CASP5: variants seen among roughly 807,000 people sequenced by gnomAD.
The protein encoded by CASP5 is caspase 5, also known as caspase-5.
In CASP5, 42 loss-of-function variants were observed where a neutral mutation model predicts 45.2. The ratio of observed to expected loss-of-function variants is 0.93; its 90% CI spans 0.73 to 1.20. CASP5 has a LOEUF of 1.20. Ranked by LOEUF, CASP5 falls within the 50% of genes most tolerant of loss-of-function variation. The probability of loss-of-function intolerance (pLI) is 0.00; values close to 1 mark genes in which losing one functional copy is unlikely to be tolerated. For missense variants in CASP5, 512 were observed against 532.2 expected (o/e 0.96, Z 0.37); for synonymous variants, 209 against 186.2 (o/e 1.12, Z -1.00).
intron 5 of CASP5, 130 bp from the exon 6 acceptor site, chr11:105,000,625 A>T (rs1393655139): frequency 1.3e-6 from 1 of 765,178 alleles, no homozygotes; most frequent in African/African-American, 1.8e-5. Flanking sequence ...GCGCTTACTC[A>T]GTCATGACAG....
intron 5 of CASP5, among the ~76,000 whole-genome samples, chr11:105,001,573 A>C (rs1277437199): frequency 2.6e-5 from 4 of 152,110 alleles, no homozygotes; most frequent in African/African-American, 9.7e-5. Flanking sequence ...GGGCAGGAGA[A>C]TCGCTTGTGG....
Position 105,008,843 on chromosome 11 carries a change from C to T in CASP5, c.145G>A (p.Val49Ile). 1 of 1,613,038 alleles carries T rather than the reference C, an allele frequency of 6.2e-7. No individual in the cohort carries two copies. Among genetic ancestry groups the T allele is most frequent in the Non-Finnish European group, 8.5e-7 (1 of 1,179,322 alleles). ...GTCGACTTTTGATCCGTATTAGGTA[C>T]TAGGGTCTGGATAGATGTTTGTCCA... ...VAGQTSIQTL[V>I]PNTDQKSTSV... The change falls in exon 2 of 10, where the codon GTA (valine) becomes ATA (isoleucine). Residue 49 changes from valine to isoleucine, a missense_variant. Transcript: ENST00000260315.
intron 1 of CASP5, among the ~76,000 whole-genome samples, chr11:105,009,774 TATATATATATATACACACG>T (rs1862209435): frequency 2.0e-5 from 1 of 50,372 alleles, no homozygotes; most frequent in Non-Finnish European, 4.8e-5. Context: ...CACACACGTA[TATATATATATATACACACG>T]TATATATATA....
intron 8 of CASP5, among the ~76,000 whole-genome samples, chr11:104,996,149 A>G (rs1310805840): frequency 6.6e-6 from 1 of 152,176 alleles, no homozygotes. Flanking sequence ...GGATATGCTC[A>G]TGAGAACTGG....
chr11:105,004,609 A>G (rs1320795444), intron 3 of CASP5, among the ~76,000 whole-genome samples: 2 of 152,134 alleles, frequency 1.3e-5, no homozygotes, highest in Non-Finnish European at 2.9e-5. Context: ...TCTGTATAAA[A>G]TTTATATTGT....
Position 105,004,349 on chromosome 11 carries a change from A to T in CASP5, c.434-966T>A, listed in dbSNP as rs561690920. On this transcript the variant is annotated intron_variant, in intron 3 of 9. Transcript: ENST00000260315. ...TCTGTTTTGGATAAGTTTGCTTCTG[A>T]GTAATTCTGATCTATCCCCTTGTGA... Among the ~76,000 whole-genome samples the T allele has an allele frequency of 6.6e-5, 10 of 152,324 alleles. No individual in the cohort carries two copies. The East Asian group carries it at 1.5e-3, about 23-fold the overall frequency.
intron 5 of CASP5, among the ~76,000 whole-genome samples, chr11:105,001,722 G>A (rs1861736993): frequency 1.3e-5 from 2 of 152,188 alleles, no homozygotes; most frequent in Admixed American, 6.5e-5. Flanking sequence ...GTGATTTTAT[G>A]TGGAATCTTG....
chr11:105,009,926 C>CGTATATACACATAT (rs1565388595), intron 1 of CASP5, among the ~76,000 whole-genome samples: 4 of 125,426 alleles, frequency 3.2e-5, no homozygotes, highest in African/African-American at 9.2e-5. Context: ...TATATACACA[C>CGTATATACACATAT]ATACACACAC....
At position 105,021,397 on chromosome 11, in the gene CASP5, C is replaced by T. The variant is rs1161199452; in HGVS notation, c.7+1733G>A. On this transcript the variant is annotated intron_variant, in intron 1 of 9. Transcript: ENST00000260315. ...AACCTACAAAATGGGAGAAAATTTT[C>T]GCAACCTACTCGTCTGACAAAGGGC... 2.6e-3 allele frequency among the ~76,000 whole-genome samples: 381 copies of T among 147,174 alleles called. 3 individuals carry two copies. Among genetic ancestry groups the T allele is most frequent in the African/African-American group, 7.8e-3 (316 of 40,770 alleles).
At chr11:105,006,035 C>T (rs546900862) in intron 3 of CASP5, among the ~76,000 whole-genome samples, 29 of 152,028 alleles carry the variant, frequency 1.9e-4, no homozygotes, top group South Asian at 6.2e-4. Flanking sequence ...TGTTCATGAT[C>T]GTATGTGATT....
intron 8 of CASP5, among the ~76,000 whole-genome samples, chr11:104,996,419 C>T (rs77045690): frequency 8.5e-5 from 13 of 152,266 alleles, no homozygotes; most frequent in African/African-American, 2.4e-4. Context: ...GATTTAACTT[C>T]CCAGTTCTCT....
intron 7 of CASP5, 72 bp from the exon 8 acceptor site, chr11:104,997,564 C>A: frequency 1.1e-6 from 1 of 880,794 alleles, no homozygotes; most frequent in Non-Finnish European, 1.8e-6. Flanking sequence ...TTTGTTTTTG[C>A]ATAGCTTGAG....
At chr11:105,016,613 TG>T (rs1862614972) in intron 1 of CASP5, among the ~76,000 whole-genome samples, 1 of 151,964 alleles carries the variant, frequency 6.6e-6, no homozygotes, top group Admixed American at 6.5e-5. Context: ...GCTTAAAAAA[TG>T]GCGCATCAGA....
In CASP5 at chr11:105,007,281, C is replaced by A; in HGVS notation, c.235G>T (p.Val79Phe). 6.2e-7 allele frequency: 1 copy of A among 1,610,058 alleles called. No individual in the cohort carries two copies. Residue 79 changes from valine to phenylalanine, a missense_variant, in exon 3 of 10, where the codon GTT (valine) becomes TTT (phenylalanine). Coordinates refer to ENST00000260315, the MANE Select transcript of CASP5 (RefSeq NM_004347.5). Reference sequence around the variant, plus strand: ...AAATAATTAAAAACACCATGAAGAACATCTTTGCCCAGGTATTCCAACATC... The same window carrying A: ...AAATAATTAAAAACACCATGAAGAAAATCTTTGCCCAGGTATTCCAACATC... ...VKMLEYLGKDVLHGVFNYLAK... is the reference protein window; with the variant it reads ...VKMLEYLGKDFLHGVFNYLAK...
chr11:105,013,995 C>T (rs967827798), intron 1 of CASP5, among the ~76,000 whole-genome samples: 1 of 152,150 alleles, frequency 6.6e-6, no homozygotes, highest in African/African-American at 2.4e-5. Flanking sequence ...TACTTCTATT[C>T]AGGCCAACAC....
chr11:105,021,212 G>GA (rs1245727225), intron 1 of CASP5, among the ~76,000 whole-genome samples: 2 of 151,394 alleles, frequency 1.3e-5, no homozygotes, highest in Non-Finnish European at 2.9e-5. Context: ...AACCCTAGAA[G>GA]AAAACCTAGA....
intron 1 of CASP5, among the ~76,000 whole-genome samples, chr11:105,010,210 T>G (rs545336245): frequency 6.6e-6 from 1 of 151,150 alleles, no homozygotes; most frequent in South Asian, 2.1e-4. Flanking sequence ...GAACCAACCA[T>G]TATTAGAAAG....
chr11:105,018,979 C>T (rs1436035341), intron 1 of CASP5, among the ~76,000 whole-genome samples: 7 of 150,212 alleles, frequency 4.7e-5, no homozygotes, highest in Admixed American at 6.7e-5. Flanking sequence ...TGCAATCAAA[C>T]GAGAACTCAG....
At chr11:105,000,115 G>C (rs534583056) in intron 6 of CASP5, 146 bp downstream of exon 6, 1 of 798,472 alleles carries the variant, frequency 1.3e-6, no homozygotes, top group African/African-American at 1.7e-5. Context: ...CATTATATCA[G>C]CCCCTTAGGT....
Sources: gnomAD v4.1 joint callset for allele counts (sites outside exome capture counted in the v4.1 genomes callset) on GRCh38, gnomAD v4.1.1 for gene constraint, MANE v1.5 for transcripts, NCBI Gene and HGNC (gene_info 2026-07-23, HGNC 2026-07-21) for gene names.